The following CTPS1 variants were observed in gnomAD, a reference collection of about 807,000 sequenced individuals.
The protein encoded by CTPS1 is CTP synthetase 1.
CTPS1 carries 25 observed loss-of-function variants against 80.5 expected under a neutral mutation model. The observed-to-expected ratio is 0.31, with a 90% CI of 0.23 to 0.43. The LOEUF (loss-of-function observed/expected upper bound fraction) is 0.43, where lower values mean the gene tolerates loss of function less well. CTPS1 is among the 20% of genes least tolerant of loss of function. CTPS1 has a pLI of 1.00. For synonymous variants in CTPS1, 267 were observed against 252.5 expected (o/e 1.06, Z -0.54); for missense variants, 442 against 725.7 (o/e 0.61, Z 4.49).
At chr1:40,992,724 T>C (rs1354102943) in intron 7 of CTPS1, among the ~76,000 whole-genome samples, 1 of 150,070 alleles carries the variant, frequency 6.7e-6, no homozygotes, top group Non-Finnish European at 1.5e-5. Context: ...AGAGTCTCGC[T>C]GTGTCGCCCA....
intron 14 of CTPS1, among the ~76,000 whole-genome samples, chr1:41,008,022 T>C (rs988598099): frequency 2.0e-5 from 3 of 152,208 alleles, no homozygotes; most frequent in African/African-American, 7.2e-5. Context: ...TCTTGTCTAC[T>C]GGGAAAATTC....
At chr1:40,999,413 TA>T (rs1333739332) in intron 9 of CTPS1, among the ~76,000 whole-genome samples, 8 of 151,946 alleles carry the variant, frequency 5.3e-5, no homozygotes, top group Admixed American at 2.6e-4. Flanking sequence ...CACCCTAATT[TA>T]AAAAGTGGGC....
Position 41,008,794 on chromosome 1 carries a change from G to A in CTPS1, c.1450G>A (p.Val484Met). 6.2e-7 allele frequency: 1 copy of A among 1,614,156 alleles called. No individual in the cohort carries two copies. The highest frequency in any genetic ancestry group is 8.5e-7 in the Non-Finnish European group (1 of 1,180,000). Residue 484 changes from valine to methionine, a missense_variant and splice_region_variant, in exon 16 of 19, where the codon GTG (valine) becomes ATG (methionine). Around this residue, in one of 4 missense-constraint regions of CTPS1, gnomAD observed 321 missense variants for 467.2 expected, o/e 0.69. Coordinates refer to ENST00000650070, the MANE Select transcript of CTPS1 (RefSeq NM_001905.4). ...LEERHRHRFE[V>M]NPVWKKCLEE... ...AGAATTATTTTTCATGCCTCAACAGGTGAATCCAGTCTGGAAAAAGTGTTT... is the reference window on the plus strand; with the variant it reads ...AGAATTATTTTTCATGCCTCAACAGATGAATCCAGTCTGGAAAAAGTGTTT...
chr1:40,989,210 T>A (rs536395094), intron 5 of CTPS1, among the ~76,000 whole-genome samples: 6 of 152,336 alleles, frequency 3.9e-5, no homozygotes, highest in Admixed American at 2.0e-4. Flanking sequence ...ACTCAGACCC[T>A]GACATCTTTT....
At position 41,001,108 on chromosome 1, in the gene CTPS1, G is replaced by A. The variant is rs1642893114; in HGVS notation, c.1085G>A (p.Cys362Tyr). 1 of 1,608,622 alleles carries A rather than the reference G, an allele frequency of 6.2e-7. No individual in the cohort carries two copies. Among genetic ancestry groups the A allele is most frequent in the Non-Finnish European group, 8.5e-7 (1 of 1,178,400 alleles). ...VRYHEAWQKL[C>Y]SAHGVLVPGG... ...TACCACGAAGCTTGGCAGAAGCTCT[G>A]TAGTGCTCAGTGAGTAGAGTTCGCT... Residue 362 changes from cysteine (C) to tyrosine (Y), a missense_variant, in exon 10 of 19, where the codon TGT (cysteine) becomes TAT (tyrosine). Physicochemically the swap from Cys to Tyr is radical, Grantham distance 194. Around this residue, in one of 4 missense-constraint regions of CTPS1, gnomAD observed 321 missense variants for 467.2 expected, o/e 0.69. Coordinates refer to ENST00000650070, the MANE Select transcript of CTPS1 (RefSeq NM_001905.4).
At chr1:41,008,520 C>T in intron 14 of CTPS1, 139 bp from the exon 15 acceptor site, 1 of 822,172 alleles carries the variant, frequency 1.2e-6, no homozygotes, top group South Asian at 1.6e-5. Context: ...AGCAGGTGAC[C>T]TTAGCAGATT....
At chr1:40,988,738 T>TG in intron 5 of CTPS1, 28 bp downstream of exon 5, 1 of 1,470,044 alleles carries the variant, frequency 6.8e-7, no homozygotes. Context: ...AGTTTTACTT[T>TG]GGGGGAGATG....
intron 15 of CTPS1, 39 bp from the exon 16 acceptor site, chr1:41,008,755 G>C: frequency 6.2e-7 from 1 of 1,613,718 alleles, no homozygotes; most frequent in African/African-American, 1.3e-5. Context: ...AAGATAGTGA[G>C]CTGAGAGACC....
intron 2 of CTPS1, 144 bp from the exon 3 acceptor site, chr1:40,984,677 T>C (rs1430864530): frequency 1.7e-6 from 1 of 580,630 alleles, no homozygotes; most frequent in African/African-American, 1.9e-5. Context: ...TTGTGTGTCA[T>C]ATTTAGTCTT....
intron 1 of CTPS1, chr1:40,981,317 T>C (rs1265022166): frequency 6.6e-6 from 1 of 152,212 alleles, no homozygotes; most frequent in Non-Finnish European, 1.5e-5. Context: ...GCACTGAGAC[T>C]GCAAGAATCT....
intron 18 of CTPS1, among the ~76,000 whole-genome samples, chr1:41,010,779 G>A (rs543634279): frequency 1.2e-4 from 18 of 152,308 alleles, no homozygotes; most frequent in African/African-American, 2.9e-4. Context: ...TTCCTTCAAA[G>A]TTGGAACAAT....
Position 41,007,632 on chromosome 1 carries a change from G to C in CTPS1, c.1393+87G>C, listed in dbSNP as rs539975182. 2 of 1,166,684 alleles carry C rather than the reference G, an allele frequency of 1.7e-6. No individual in the cohort carries two copies. The highest frequency in any genetic ancestry group is 2.0e-5 in the Admixed American group (1 of 49,386). 72.3% of individuals were successfully genotyped at this position (1,166,684 alleles called of 1,614,324 possible). A position where few individuals can be genotyped will look rare whatever the true frequency, so the allele number is the denominator to read the frequency against. Reference sequence around the variant, plus strand: ...GGTGATGCTGTGGCTTCGAGGAGCAGGCTGGCTTTTTTTGGTTTCGTTCTT... The same window carrying C: ...GGTGATGCTGTGGCTTCGAGGAGCACGCTGGCTTTTTTTGGTTTCGTTCTT... On this transcript the variant is annotated intron_variant, in intron 14 of 18. Coordinates refer to ENST00000650070, the MANE Select transcript of CTPS1 (RefSeq NM_001905.4). The surrounding 1 kb of genome is among the most constrained non-coding windows in gnomAD (Gnocchi z 4.4).
At position 41,009,599 on chromosome 1, in the gene CTPS1, C is replaced by G; in HGVS notation, c.1691+10C>G. ...GCAGGCTCTCACCCAGGTAGGCGCA[C>G]TCTTTGCTTCAGTAATCCATTAGTC... On this transcript the variant is annotated intron_variant, in intron 17 of 18. Transcript: ENST00000650070. The G allele has an allele frequency of 6.2e-7, 1 of 1,613,942 alleles. No homozygotes were observed. The highest frequency in any genetic ancestry group is 8.5e-7 in the Non-Finnish European group (1 of 1,179,992).
At position 41,001,078 on chromosome 1, in the gene CTPS1, T is replaced by A. The variant is rs1642892291; in HGVS notation, c.1055T>A (p.Val352Glu). 6.2e-7 allele frequency: 1 copy of A among 1,612,592 alleles called. No homozygotes were observed. The highest frequency in any genetic ancestry group is 8.5e-7 in the Non-Finnish European group (1 of 1,179,570). Residue 352 changes from valine (V) to glutamate (E), a missense_variant, in exon 10 of 19, where the codon GTG becomes GAG. Coordinates refer to ENST00000650070, the MANE Select transcript of CTPS1 (RefSeq NM_001905.4). ...LEPITSQEEP[V>E]RYHEAWQKLC... is the part of the protein sequence containing the mutation. ...CCCATCACCTCGCAAGAAGAGCCCGTGCGCTACCACGAAGCTTGGCAGAAG... is the reference window on the plus strand; with the variant it reads ...CCCATCACCTCGCAAGAAGAGCCCGAGCGCTACCACGAAGCTTGGCAGAAG...
chr1:41,003,497 T>C (rs1354072737), intron 12 of CTPS1, among the ~76,000 whole-genome samples: 1 of 152,192 alleles, frequency 6.6e-6, no homozygotes, highest in Admixed American at 6.5e-5. Context: ...AAGTGAGGCT[T>C]GGGCAGTTAT....
At position 40,995,999 on chromosome 1, in the gene CTPS1, G is replaced by T. The variant is rs376715076; in HGVS notation, c.803G>T (p.Arg268Leu). The T allele has an allele frequency of 6.2e-7, 1 of 1,614,106 alleles. No individual in the cohort carries two copies. Among genetic ancestry groups the T allele is most frequent in the African/African-American group, 1.3e-5 (1 of 75,024 alleles). ...CAAGGGGTTGTAGATTATTTTCTTC[G>T]AAGACTTGACCTTCCTATTGAGAGG... ...EEQGVVDYFLRRLDLPIERQP... is the reference protein window; with the variant it reads ...EEQGVVDYFLLRLDLPIERQP... The change falls in exon 8 of 19, where the codon CGA (arginine) becomes CTA (leucine). Residue 268 changes from arginine to leucine, a missense_variant. Around this residue, in one of 4 missense-constraint regions of CTPS1, gnomAD observed 321 missense variants for 467.2 expected, o/e 0.69. Transcript: ENST00000650070.
chr1:40,989,703 C>T (rs1037317546), intron 5 of CTPS1, among the ~76,000 whole-genome samples: 4 of 152,036 alleles, frequency 2.6e-5, no homozygotes, highest in African/African-American at 9.7e-5. Context: ...TTTAAAAAAA[C>T]ACCAAAAAAC....
chr1:41,003,055 GA>G, intron 11 of CTPS1, 58 bp from the exon 12 acceptor site: 1 of 1,577,046 alleles, frequency 6.3e-7, no homozygotes, highest in Non-Finnish European at 8.7e-7. Context: ...AGGCTGCTGG[GA>G]AAAGTAGGAG....
chr1:40,980,169 C>A (rs1651800428), intron 1 of CTPS1: 1 of 146,584 alleles, frequency 6.8e-6, no homozygotes, highest in Non-Finnish European at 1.5e-5. Context: ...GCTCGTCGGA[C>A]GGAGAAGGCC....
Sources: gnomAD v4.1 joint callset for allele counts (sites outside exome capture counted in the v4.1 genomes callset) on GRCh38, gnomAD v4.1.1 for gene constraint, gnomAD v4.1.1 regional missense constraint, Gnocchi (gnomAD v3.1) non-coding constraint, MANE v1.5 for transcripts, NCBI Gene and HGNC (gene_info 2026-07-23, HGNC 2026-07-21) for gene names.